MYO15B: variants seen among roughly 807,000 people sequenced by gnomAD.
The protein encoded by MYO15B is myosin XVB pseudogene.
In MYO15B, 207 loss-of-function variants were observed where a neutral mutation model predicts 119.3. That is an observed-to-expected ratio of 1.73 (90% CI 1.55 to 1.95). MYO15B has a LOEUF of 1.95. Ranked by LOEUF, MYO15B falls within the 30% of genes most tolerant of loss-of-function variation. MYO15B has a pLI of 0.00. For missense variants in MYO15B, 2,264 were observed against 1,203.1 expected, an observed-to-expected ratio of 1.88 and a Z score of -13.04; for synonymous variants, 966 against 498.9, an observed-to-expected ratio of 1.94 and a Z score of -12.48.
chr17:75,594,335 C>T, intron 9 of MYO15B, 140 bp from the exon 10 acceptor site: 1 of 511,006 alleles, frequency 2.0e-6, no homozygotes, highest in Non-Finnish European at 3.4e-6. Context: ...AGCCTCGCTC[C>T]TAATGGCCCA....
intron 43 of MYO15B, among the ~76,000 whole-genome samples, chr17:75,618,530 C>T (rs1374796740): frequency 6.6e-6 from 1 of 152,176 alleles, no homozygotes; most frequent in Non-Finnish European, 1.5e-5. Context: ...GCACCTGTAA[C>T]CCCAGCTACT....
intron 60 of MYO15B, 133 bp downstream of exon 60, chr17:75,625,371 C>A: frequency 1.6e-6 from 1 of 642,326 alleles, no homozygotes; most frequent in Admixed American, 2.2e-5. Context: ...CCTCTCCACC[C>A]CACCCCGAGC....
At chr17:75,618,239 G>A (rs1323534582) in intron 43 of MYO15B, 54 bp downstream of exon 43, 4 of 701,052 alleles carry the variant, frequency 5.7e-6, no homozygotes, top group East Asian at 2.7e-5. Context: ...AGCATCCTTC[G>A]TGCCCTTTGT....
intron 15 of MYO15B, 149 bp from the exon 16 acceptor site, chr17:75,602,368 G>T (rs1457943433): frequency 1.4e-6 from 1 of 700,332 alleles, no homozygotes; most frequent in East Asian, 2.7e-5. Context: ...CAGACCCAAG[G>T]CTAGGTAAAG....
At chr17:75,617,995 G>T (rs1744048881) in intron 42 of MYO15B, 73 bp downstream of exon 42, 2 of 691,912 alleles carry the variant, frequency 2.9e-6, no homozygotes, top group Admixed American at 2.0e-5. Context: ...GTGCATCCCA[G>T]CCTGGGACCC....
At chr17:75,597,251 A>G (rs891601658) in intron 14 of MYO15B, among the ~76,000 whole-genome samples, 6 of 152,206 alleles carry the variant, frequency 3.9e-5, no homozygotes, top group Admixed American at 6.5e-5. Context: ...AATTGTGGCT[A>G]GGTGGCCACT....
At chr17:75,598,540 A>AAAAAG (rs2057029982) in intron 14 of MYO15B, among the ~76,000 whole-genome samples, 10 of 142,950 alleles carry the variant, frequency 7.0e-5, no homozygotes, top group Middle Eastern at 3.7e-3. Flanking sequence ...AAAAAAAAAA[A>AAAAAG]AAAAAAGAAA....
At position 75,624,274 on chromosome 17, in the gene MYO15B, TG is replaced by T. The variant is rs2058887186; in HGVS notation, c.8367+10del. 5.7e-6 allele frequency: 4 copies of T among 702,734 alleles called. No individual in the cohort carries two copies. The highest frequency in any genetic ancestry group is 7.8e-6 in the Non-Finnish European group (3 of 384,936). 43.5% of individuals were successfully genotyped at this position (702,734 alleles called of 1,614,324 possible). A position where few individuals can be genotyped will look rare whatever the true frequency, so the allele number is the denominator to read the frequency against. ...GGTGAAATGAAGGCTTTCCTGGTAC[TG>T]GGGGTGGCGGATGGGCATTGTGGGA... On this transcript the variant is annotated splice_donor_region_variant and intron_variant, in intron 56 of 63. Transcript: ENST00000645453.
At chr17:75,611,295 C>G (rs894973026) in intron 23 of MYO15B, among the ~76,000 whole-genome samples, 1 of 151,924 alleles carries the variant, frequency 6.6e-6, no homozygotes, top group African/African-American at 2.4e-5. Flanking sequence ...GACCCCATCT[C>G]TACAAAAACA....
At chr17:75,621,249 C>T in intron 50 of MYO15B, 73 bp downstream of exon 50, 1 of 659,976 alleles carries the variant, frequency 1.5e-6, no homozygotes, top group Non-Finnish European at 2.8e-6. Flanking sequence ...TGCTCAGAGC[C>T]ACTGGGCTGT....
chr17:75,595,298 T>C (rs1025181314), intron 12 of MYO15B, among the ~76,000 whole-genome samples: 15 of 152,184 alleles, frequency 9.9e-5, no homozygotes, highest in African/African-American at 3.6e-4. Context: ...CCAAGCATGG[T>C]CTCTGCTCCC....
At chr17:75,612,777 G>A (rs1383750819) in intron 25 of MYO15B, 21 bp from the exon 26 acceptor site, 1 of 702,834 alleles carries the variant, frequency 1.4e-6, no homozygotes, top group Non-Finnish European at 2.6e-6. Context: ...AGCATGGACT[G>A]AGCCCTCTCC....
At chr17:75,611,555 C>A (rs965342595) in intron 23 of MYO15B, 46 bp from the exon 24 acceptor site, 16 of 701,912 alleles carry the variant, frequency 2.3e-5, no homozygotes, top group Admixed American at 1.4e-4. Context: ...ACACTGGTCC[C>A]TAGGCCCCTC....
chr17:75,624,448 G>A lies in MYO15B; in HGVS notation c.8445+1G>A, dbSNP rs2058901756. 2.8e-6 allele frequency: 2 copies of A among 702,926 alleles called. No homozygotes were observed. Among genetic ancestry groups the A allele is most frequent in the Non-Finnish European group, 5.2e-6 (2 of 385,018 alleles). 43.5% of individuals were successfully genotyped at this position (702,926 alleles called of 1,614,324 possible). ...TAGGACGAATATCCAGACTTTCACA[G>A]TGAGCTTGGGGGCCACCAAGGGAGG... is the stretch of plus-strand genomic sequence containing the variant. On this transcript the variant is annotated splice_donor_variant, in intron 57 of 63. Transcript: ENST00000645453. LOFTEE classifies it high-confidence loss of function.
At chr17:75,621,206 G>A in intron 50 of MYO15B, 30 bp downstream of exon 50, 2 of 672,538 alleles carry the variant, frequency 3.0e-6, no homozygotes, top group South Asian at 3.2e-5. Flanking sequence ...CCCTGTGCCT[G>A]TCTGTCCTCA....
intron 41 of MYO15B, 178 bp from the exon 42 acceptor site, chr17:75,617,630 GAA>G: frequency 1.7e-6 from 1 of 586,308 alleles, no homozygotes; most frequent in Non-Finnish European, 3.1e-6. Context: ...GGACGCCAGG[GAA>G]AGTTTAGGGC....
Position 75,610,154 on chromosome 17 carries a change from C to A in MYO15B, c.4293-12C>A. ...ACTCTTCATTTCGCCCCCGCTCTTTCCCGGCCTCCAGGAAGCGGTACCTCC... is the reference window on the plus strand; with the variant it reads ...ACTCTTCATTTCGCCCCCGCTCTTTACCGGCCTCCAGGAAGCGGTACCTCC... On this transcript the variant is annotated splice_polypyrimidine_tract_variant and intron_variant, in intron 21 of 63. Transcript: ENST00000645453. 1 of 697,020 alleles carries A rather than the reference C, an allele frequency of 1.4e-6. No individual in the cohort carries two copies. Among genetic ancestry groups the A allele is most frequent in the Non-Finnish European group, 2.6e-6 (1 of 381,236 alleles). 43.2% of individuals were successfully genotyped at this position (697,020 alleles called of 1,614,324 possible). A position where few individuals can be genotyped will look rare whatever the true frequency, so the allele number is the denominator to read the frequency against.
chr17:75,625,339 A>C (rs969027462), intron 60 of MYO15B, 101 bp downstream of exon 60: 3 of 640,868 alleles, frequency 4.7e-6, no homozygotes, highest in Non-Finnish European at 8.5e-6. Flanking sequence ...GGCCAGGAGC[A>C]GCGGGGCCTG....
At chr17:75,607,039 C>A in intron 21 of MYO15B, 2 of 398,442 alleles carry the variant, frequency 5.0e-6, no homozygotes, top group South Asian at 1.3e-4. Flanking sequence ...CGGGGCCTCC[C>A]AGGCTGGTTG....
Sources: allele counts gnomAD v4.1 joint callset (sites outside exome capture counted in the v4.1 genomes callset), GRCh38; gene constraint gnomAD v4.1.1; transcripts MANE v1.5; gene names NCBI Gene and HGNC (gene_info 2026-07-23, HGNC 2026-07-21).